CSMD1: variants seen among roughly 807,000 people sequenced by gnomAD.
The protein encoded by CSMD1 is CUB and sushi domain-containing protein 1.
CSMD1 carries 213 observed loss-of-function variants against 417.5 expected under a neutral mutation model. That is an observed-to-expected ratio of 0.51 (90% confidence interval 0.46 to 0.57). The LOEUF is 0.57. Ranked by LOEUF, CSMD1 falls within the 20% of genes least tolerant of loss-of-function variation. The pLI is 0.00. For missense variants in CSMD1, 6,923 were observed against 4,529.7 expected (o/e 1.53, Z -15.17); for synonymous variants, 2,862 against 1,736.8 (o/e 1.65, Z -16.11).
At chr8:4,364,382 G>C (rs1242309570) in intron 3 of CSMD1, among the ~76,000 whole-genome samples, 1 of 152,036 alleles carries the variant, frequency 6.6e-6, no homozygotes, top group Non-Finnish European at 1.5e-5. Context: ...TTCAGTTCCT[G>C]TTTACTGTTA....
intron 1 of CSMD1, among the ~76,000 whole-genome samples, chr8:4,648,350 C>T (rs1341305052): frequency 6.6e-6 from 1 of 152,046 alleles, no homozygotes; most frequent in East Asian, 1.9e-4. Context: ...ATGACATGAT[C>T]CACATTCTCT....
At chr8:4,213,999 G>A (rs1375491445) in intron 3 of CSMD1, among the ~76,000 whole-genome samples, 1 of 152,090 alleles carries the variant, frequency 6.6e-6, no homozygotes, top group African/African-American at 2.4e-5. Context: ...AAACAGAAAG[G>A]GGCAAAGTTC....
intron 3 of CSMD1, among the ~76,000 whole-genome samples, chr8:4,245,048 G>C (rs1160990574): frequency 6.6e-6 from 1 of 152,120 alleles, no homozygotes; most frequent in Non-Finnish European, 1.5e-5. Flanking sequence ...CCATTCATTA[G>C]AAAATGTGTA....
At chr8:4,511,945 C>T (rs971593866) in intron 2 of CSMD1, among the ~76,000 whole-genome samples, 4 of 152,072 alleles carry the variant, frequency 2.6e-5, no homozygotes, top group African/African-American at 4.8e-5. Context: ...ACAAGATAGG[C>T]CCACATTACC....
chr8:4,582,487 C>T (rs982159343), intron 2 of CSMD1, among the ~76,000 whole-genome samples: 2 of 152,154 alleles, frequency 1.3e-5, no homozygotes, highest in Admixed American at 6.5e-5. Flanking sequence ...TTCCTCCAGG[C>T]ACCAGGCAGG....
At chr8:3,380,971 G>A (rs1199263522) in intron 18 of CSMD1, among the ~76,000 whole-genome samples, 1 of 152,056 alleles carries the variant, frequency 6.6e-6, no homozygotes, top group African/African-American at 2.4e-5. Flanking sequence ...TTTGGGGATG[G>A]TACTTGAATG....
chr8:4,208,379 A>G (rs539342048), intron 3 of CSMD1, among the ~76,000 whole-genome samples: 6 of 152,282 alleles, frequency 3.9e-5, no homozygotes, highest in African/African-American at 1.4e-4. Flanking sequence ...TTCCCCAAGG[A>G]ATTGAGTTAC....
intron 3 of CSMD1, among the ~76,000 whole-genome samples, chr8:4,135,651 G>A (rs116602665): frequency 0.013 from 2,027 of 152,172 alleles, 43 homozygotes; most frequent in African/African-American, 0.047. Context: ...GATAATATAT[G>A]AAGAAGAAAC....
chr8:3,269,394 G>C (rs111452215), intron 26 of CSMD1, among the ~76,000 whole-genome samples: 1 of 152,212 alleles, frequency 6.6e-6, no homozygotes, highest in African/African-American at 2.4e-5. Context: ...AACCACACAG[G>C]CTTACGGCTG....
intron 5 of CSMD1, among the ~76,000 whole-genome samples, chr8:3,867,688 G>A (rs1341943540): frequency 6.6e-6 from 1 of 152,066 alleles, no homozygotes; most frequent in Non-Finnish European, 1.5e-5. Context: ...CTAGAACCAT[G>A]TACTACACTT....
intron 3 of CSMD1, among the ~76,000 whole-genome samples, chr8:4,255,561 T>A (rs1056250627): frequency 1.3e-4 from 20 of 151,108 alleles, no homozygotes; most frequent in African/African-American, 3.7e-4. Flanking sequence ...ATCTTCTAGA[T>A]AGAATTTTTT....
intron 7 of CSMD1, among the ~76,000 whole-genome samples, chr8:3,631,026 G>T (rs138018317): frequency 6.6e-6 from 1 of 152,142 alleles, no homozygotes; most frequent in African/African-American, 2.4e-5. Context: ...CCTTGAAAAC[G>T]CAATCATGCT....
At chr8:3,599,735 T>A (rs926772548) in intron 8 of CSMD1, among the ~76,000 whole-genome samples, 2 of 152,168 alleles carry the variant, frequency 1.3e-5, no homozygotes, top group Admixed American at 6.5e-5. Context: ...AACCTATACC[T>A]TGCACTCCTC....
At chr8:3,826,489 G>C (rs543287311) in intron 5 of CSMD1, among the ~76,000 whole-genome samples, 1 of 152,114 alleles carries the variant, frequency 6.6e-6, no homozygotes, top group African/African-American at 2.4e-5. Context: ...TAGGCAGGGG[G>C]ACCATGAAAG....
chr8:3,863,885 T>A (rs10503221), intron 5 of CSMD1, among the ~76,000 whole-genome samples: 6,171 of 152,242 alleles, frequency 0.041, 415 homozygotes, highest in African/African-American at 0.14. Context: ...AAGATTCGTA[T>A]GATGACTATA....
At chr8:3,416,040 A>G (rs270092) in intron 12 of CSMD1, among the ~76,000 whole-genome samples, 135,108 of 152,112 alleles carry the variant, frequency 0.89, 60,226 homozygotes, top group Middle Eastern at 0.95. Context: ...GGCGGCTCAC[A>G]CCTGTAATCC....
At chr8:3,052,368 G>C (rs1811873783) in intron 50 of CSMD1, 94 bp downstream of exon 50, 2 of 824,178 alleles carry the variant, frequency 2.4e-6, no homozygotes, top group Non-Finnish European at 3.8e-6. Context: ...AGGTGTGGGA[G>C]AGGACCTCTG....
At chr8:4,146,685 C>T (rs750373501) in intron 3 of CSMD1, among the ~76,000 whole-genome samples, 1 of 130,834 alleles carries the variant, frequency 7.6e-6, no homozygotes, top group Admixed American at 8.9e-5. Flanking sequence ...GATCTGGACT[C>T]ACTGCAAGCT....
chr8:2,971,693 G>A (rs931807029), intron 57 of CSMD1, among the ~76,000 whole-genome samples: 4 of 152,142 alleles, frequency 2.6e-5, no homozygotes, highest in Non-Finnish European at 2.9e-5. Flanking sequence ...TTTTAATACT[G>A]AAATATCTAC....
Sources: allele counts gnomAD v4.1 joint callset (sites outside exome capture counted in the v4.1 genomes callset), GRCh38; gene constraint gnomAD v4.1.1; transcripts MANE v1.5; gene names NCBI Gene and HGNC (gene_info 2026-07-23, HGNC 2026-07-21).